ASIC4: variants seen among roughly 807,000 people sequenced by gnomAD.
ASIC4 encodes the protein acid sensing ion channel subunit family member 4.
Under a neutral mutation model 53.4 loss-of-function variants are expected in ASIC4, and 28 were observed. The ratio of observed to expected loss-of-function variants is 0.52; its 90% CI spans 0.39 to 0.72. The LOEUF is 0.72. Among genes scored for constraint, ASIC4 ranks in the 30% least tolerant of loss-of-function variants. The probability of loss-of-function intolerance (pLI) is 0.00; values close to 1 mark genes in which losing one functional copy is unlikely to be tolerated. For missense variants in ASIC4, 649 were observed against 729.7 expected, an observed-to-expected ratio of 0.89 and a Z score of 1.27; for synonymous variants, 289 against 301.4, an observed-to-expected ratio of 0.96 and a Z score of 0.43.
intron 1 of ASIC4, among the ~76,000 whole-genome samples, chr2:219,524,336 G>A (rs1694932637): frequency 6.6e-6 from 1 of 152,226 alleles, no homozygotes; most frequent in South Asian, 2.1e-4. Context: ...GGTACTGTGT[G>A]CCAAGTGTAT....
chr2:219,535,389 C>T (rs1574495658), intron 6 of ASIC4, 65 bp downstream of exon 6: 1 of 1,437,730 alleles, frequency 7.0e-7, no homozygotes, highest in East Asian at 2.6e-5. Flanking sequence ...TGGGGGGTGG[C>T]TGTGTGACTC....
intron 1 of ASIC4, among the ~76,000 whole-genome samples, chr2:219,520,293 C>T (rs1165332092): frequency 1.3e-5 from 2 of 152,152 alleles, no homozygotes; most frequent in Admixed American, 1.3e-4. Flanking sequence ...CCTCCCCTGC[C>T]CTCCTCTCTC....
In ASIC4 at chr2:219,538,171, C is replaced by A; in HGVS notation, c.*125C>A. On this transcript the variant is annotated 3_prime_UTR_variant, in exon 10 of 10. Transcript: ENST00000358078. Reference sequence around the variant, plus strand: ...TGGGAGGGCCAGGACTCAGTTCCTGCTCTCATCCTCCCCTGCCCTGATGTC... The same window carrying A: ...TGGGAGGGCCAGGACTCAGTTCCTGATCTCATCCTCCCCTGCCCTGATGTC... The A allele has an allele frequency of 1.3e-6, 1 of 790,646 alleles. No individual in the cohort carries two copies. Among genetic ancestry groups the A allele is most frequent in the Non-Finnish European group, 2.1e-6 (1 of 467,888 alleles). 49.0% of individuals were successfully genotyped at this position (790,646 alleles called of 1,614,324 possible). A position where few individuals can be genotyped will look rare whatever the true frequency, so the allele number is the denominator to read the frequency against.
chr2:219,509,284 A>G (rs1289966796), upstream of ASIC4, among the ~76,000 whole-genome samples: 1 of 151,514 alleles, frequency 6.6e-6, no homozygotes, highest in Non-Finnish European at 1.5e-5. This position sits in a 1 kb window ranked among gnomAD's most constrained non-coding sequence, Gnocchi z 5.2. Flanking sequence ...ATCCGCACGG[A>G]GCACAGCTGG....
chr2:219,521,558 A>G (rs1260706793), intron 1 of ASIC4, among the ~76,000 whole-genome samples: 1 of 152,148 alleles, frequency 6.6e-6, no homozygotes, highest in Non-Finnish European at 1.5e-5. Flanking sequence ...AGGAAGCACT[A>G]CAGGGAGCAT....
chr2:219,520,463 G>A (rs1171024478), intron 1 of ASIC4, among the ~76,000 whole-genome samples: 1 of 152,144 alleles, frequency 6.6e-6, no homozygotes, highest in Non-Finnish European at 1.5e-5. Context: ...TTCCCAGTGT[G>A]TGGTCAGGCC....
At chr2:219,530,082 C>A (rs1474254904) in intron 1 of ASIC4, among the ~76,000 whole-genome samples, 2 of 152,172 alleles carry the variant, frequency 1.3e-5, no homozygotes. Flanking sequence ...CCATTTCTTC[C>A]AGCTTTTACC....
chr2:219,533,353 C>T lies in ASIC4; in HGVS notation c.1075+414C>T, dbSNP rs1213227111. ...ATCTGCAGTTCATCCATCTATCCATCCATTCATCGATTCGCGCATTCTCCA... is the reference window on the plus strand; with the variant it reads ...ATCTGCAGTTCATCCATCTATCCATTCATTCATCGATTCGCGCATTCTCCA... On this transcript the variant is annotated intron_variant, in intron 5 of 9. Coordinates refer to ENST00000358078, the MANE Select transcript of ASIC4 (RefSeq NM_018674.6). 2.5e-5 allele frequency: 7 copies of T among 277,682 alleles called. No individual in the cohort carries two copies. In the South Asian group the frequency reaches 3.5e-4, roughly 14 times the overall value. The allele number at this position is 277,682 out of a possible 1,614,324, so 17.2% of individuals were successfully genotyped here.
At chr2:219,523,465 C>A (rs141243728) in intron 1 of ASIC4, among the ~76,000 whole-genome samples, 1 of 152,186 alleles carries the variant, frequency 6.6e-6, no homozygotes, top group East Asian at 1.9e-4. Context: ...CAGCCATTGC[C>A]TCCTAGATCC....
intron 1 of ASIC4, among the ~76,000 whole-genome samples, chr2:219,519,478 A>C (rs949841395): frequency 6.6e-6 from 1 of 152,068 alleles, no homozygotes; most frequent in Non-Finnish European, 1.5e-5. Context: ...TTTCCATTCT[A>C]TCCAGCCCTC....
Position 219,536,795 on chromosome 2 carries a change from C to T in ASIC4, c.1230-271C>T, listed in dbSNP as rs1695145336. Among the ~76,000 whole-genome samples, 1 of 151,988 alleles carries T rather than the reference C, an allele frequency of 6.6e-6. No homozygotes were observed. Among genetic ancestry groups the T allele is most frequent in the Admixed American group, 6.6e-5 (1 of 15,262 alleles). ...CAGAGGCGTAAGGAGGAGGCAAAGG[C>T]AACACCACTGGCTGCTTTAGAGGAG... On this transcript the variant is annotated intron_variant, in intron 6 of 9. Transcript: ENST00000358078. This position sits in a 1 kb window ranked among gnomAD's most constrained non-coding sequence, Gnocchi z 4.6.
chr2:219,523,405 C>T (rs1694918247), intron 1 of ASIC4, among the ~76,000 whole-genome samples: 1 of 152,206 alleles, frequency 6.6e-6, no homozygotes, highest in African/African-American at 2.4e-5. Flanking sequence ...TCCTAGGGCT[C>T]CCCTGTCCCT....
In ASIC4 at chr2:219,516,439, G is replaced by A. The variant is rs1269368797; in HGVS notation, c.582+1133G>A. Among the ~76,000 whole-genome samples the A allele has an allele frequency of 6.6e-6, 1 of 151,908 alleles. No individual in the cohort carries two copies. The highest frequency in any genetic ancestry group is 1.5e-5 in the Non-Finnish European group (1 of 67,994). On this transcript the variant is annotated intron_variant, in intron 1 of 9. Coordinates refer to ENST00000358078, the MANE Select transcript of ASIC4 (RefSeq NM_018674.6). This position sits in a 1 kb window ranked among gnomAD's most constrained non-coding sequence, Gnocchi z 4.9. ...CACAGTCAGGTATGTGAGGGGGTGG[G>A]CGTGTCTTGTACACTGCCTGTCTGT...
At chr2:219,510,318 C>T (rs958161188), upstream of ASIC4, among the ~76,000 whole-genome samples, 11 of 152,106 alleles carry the variant, frequency 7.2e-5, no homozygotes, top group South Asian at 2.1e-4. The surrounding 1 kb of genome is among the most constrained non-coding windows in gnomAD (Gnocchi z 5.2). Context: ...CCCCCTCCTT[C>T]CTCAGCTCTC....
intron 3 of ASIC4, 30 bp downstream of exon 3, chr2:219,532,158 G>A: frequency 6.2e-7 from 1 of 1,613,474 alleles, no homozygotes; most frequent in Non-Finnish European, 8.5e-7. Flanking sequence ...CCCTGGATTG[G>A]GCACAGGGCT....
chr2:219,530,793 G>A (rs1695030303), intron 1 of ASIC4, among the ~76,000 whole-genome samples: 1 of 152,210 alleles, frequency 6.6e-6, no homozygotes, highest in Non-Finnish European at 1.5e-5. Context: ...GGGAGGTGGT[G>A]GGAGAGGCAG....
upstream of ASIC4, among the ~76,000 whole-genome samples, chr2:219,511,067 C>T (rs1216188778): frequency 6.6e-6 from 1 of 152,116 alleles, no homozygotes; most frequent in African/African-American, 2.4e-5. The surrounding 1 kb of genome is among the most constrained non-coding windows in gnomAD (Gnocchi z 5.3). Flanking sequence ...ACTTGGTCCG[C>T]ACCAGGGCCA....
intron 1 of ASIC4, among the ~76,000 whole-genome samples, chr2:219,519,914 G>A (rs1354398602): frequency 6.6e-6 from 1 of 152,142 alleles, no homozygotes; most frequent in Non-Finnish European, 1.5e-5. Flanking sequence ...GGGCAGTGGG[G>A]TGTCTGGAGA....
chr2:219,531,508 T>G (rs1695040870), intron 1 of ASIC4, among the ~76,000 whole-genome samples: 1 of 151,704 alleles, frequency 6.6e-6, no homozygotes, highest in African/African-American at 2.4e-5. Context: ...AGGAAAACGG[T>G]GGGGGGAAGG....
Sources: allele counts gnomAD v4.1 joint callset (sites outside exome capture counted in the v4.1 genomes callset), GRCh38; gene constraint gnomAD v4.1.1; non-coding constraint Gnocchi (gnomAD v3.1); transcripts MANE v1.5; gene names NCBI Gene and HGNC (gene_info 2026-07-23, HGNC 2026-07-21).